The following PCDHGB4 variants were observed in gnomAD, a reference collection of about 807,000 sequenced individuals.
The protein encoded by PCDHGB4 is protocadherin gamma-B4.
PCDHGB4 carries 38 observed loss-of-function variants against 60.5 expected under a neutral mutation model. That is an observed-to-expected ratio of 0.63 (90% CI 0.48 to 0.82). PCDHGB4 has a LOEUF of 0.82. PCDHGB4 is among the 40% of genes least tolerant of loss of function. The pLI is 0.00. For missense variants in PCDHGB4, 1,109 were observed against 1,209.6 expected, an observed-to-expected ratio of 0.92 and a Z score of 1.23; for synonymous variants, 456 against 509.7, an observed-to-expected ratio of 0.89 and a Z score of 1.42.
Position 141,432,794 on chromosome 5 carries a change from G to C in PCDHGB4, c.2397+42513G>C. 3 of 1,614,138 alleles carry C rather than the reference G, an allele frequency of 1.9e-6. No homozygotes were observed. The highest frequency in any genetic ancestry group is 1.7e-5 in the Admixed American group (1 of 60,026). ...AGTCCTGGCGGACCTCGGCAGCCTC[G>C]AGTCTCCAGCTAACTCTGAAACCTC... On this transcript the variant is annotated intron_variant, in intron 1 of 3. Coordinates refer to ENST00000519479, the MANE Select transcript of PCDHGB4 (RefSeq NM_003736.4). The surrounding 1 kb of genome is among the most constrained non-coding windows in gnomAD (Gnocchi z 6.0).
At chr5:141,399,008 G>A (rs2093737383) in intron 1 of PCDHGB4, 4 of 1,613,904 alleles carry the variant, frequency 2.5e-6, no homozygotes, top group African/African-American at 1.3e-5. Flanking sequence ...AATTCAAAGA[G>A]CGGAGAAATT....
At position 141,486,047 on chromosome 5, in the gene PCDHGB4, C is replaced by G. The variant is rs763394605; in HGVS notation, c.2398-8760C>G. The G allele has an allele frequency of 3.1e-6, 5 of 1,614,172 alleles. No homozygotes were observed. The East Asian group carries it at 6.7e-5, about 22-fold the overall frequency. On this transcript the variant is annotated intron_variant, in intron 1 of 3. Transcript: ENST00000519479. This position sits in a 1 kb window ranked among gnomAD's most constrained non-coding sequence, Gnocchi z 5.0. ...TCATACCCCTGATCGTGTAAGAAAC[C>G]TCTTTAGCCTGCACCCCACTACTGG...
At chr5:141,390,373 ATT>A in intron 1 of PCDHGB4, 92 bp downstream of exon 1, 3 of 1,481,208 alleles carry the variant, frequency 2.0e-6, no homozygotes, top group Non-Finnish European at 2.8e-6. Flanking sequence ...AAAATATATA[ATT>A]TTTAGATGTC....
chr5:141,451,532 G>T (rs1168984212), intron 1 of PCDHGB4, among the ~76,000 whole-genome samples: 1 of 152,180 alleles, frequency 6.6e-6, no homozygotes, highest in African/African-American at 2.4e-5. Flanking sequence ...AAAGGAGAGT[G>T]CCAGAGAGGG....
intron 1 of PCDHGB4, chr5:141,418,660 T>C (rs1377720154): frequency 6.2e-7 from 1 of 1,614,024 alleles, no homozygotes; most frequent in Admixed American, 1.7e-5. Context: ...TGAAGGCCAC[T>C]GACCAGGACG....
At chr5:141,394,742 G>A (rs752402821) in intron 1 of PCDHGB4, 5 of 1,613,300 alleles carry the variant, frequency 3.1e-6, no homozygotes, top group African/African-American at 1.3e-5. Flanking sequence ...AGAGCCTCGT[G>A]GTGGCCGTCC....
Position 141,490,709 on chromosome 5 carries a change from C to T in PCDHGB4, c.2398-4098C>T. ...GACACTGGGGATAATGCCCGCCTCA[C>T]CTACTCCATTGTAGGAAATCAGGTT... On this transcript the variant is annotated intron_variant, in intron 1 of 3. Transcript: ENST00000519479. This position sits in a 1 kb window ranked among gnomAD's most constrained non-coding sequence, Gnocchi z 5.4. The T allele has an allele frequency of 1.9e-6, 3 of 1,614,218 alleles. No homozygotes were observed. Among genetic ancestry groups the T allele is most frequent in the Non-Finnish European group, 2.5e-6 (3 of 1,180,038 alleles).
chr5:141,410,843 C>CTTTTTAT, intron 1 of PCDHGB4: 1 of 216,280 alleles, frequency 4.6e-6, no homozygotes. Context: ...GATATTTTGT[C>CTTTTTAT]TTTGTCTTTT....
chr5:141,388,637 T>G lies in PCDHGB4; in HGVS notation c.753T>G (p.Leu251=), dbSNP rs993746447. The change falls in exon 1 of 4, where the codon CTT becomes CTG. Residue 251 remains leucine, a synonymous_variant. Transcript: ENST00000519479. ...VFSQDVYRVS[L]SENVYPGTTV... ...GTCAAGACGTATACAGGGTGAGCCTTTCAGAAAACGTGTACCCGGGGACCA... is the reference window on the plus strand; with the variant it reads ...GTCAAGACGTATACAGGGTGAGCCTGTCAGAAAACGTGTACCCGGGGACCA... The G allele has an allele frequency of 6.2e-7, 1 of 1,613,762 alleles. No homozygotes were observed. The highest frequency in any genetic ancestry group is 8.5e-7 in the Non-Finnish European group (1 of 1,179,878).
At chr5:141,452,966 G>T (rs996204633) in intron 1 of PCDHGB4, among the ~76,000 whole-genome samples, 6 of 152,098 alleles carry the variant, frequency 3.9e-5, no homozygotes, top group Admixed American at 1.3e-4. Context: ...TAAACTGAGG[G>T]TATATTGTCA....
chr5:141,490,485 G>A lies in PCDHGB4; in HGVS notation c.2398-4322G>A. 3 of 1,614,202 alleles carry A rather than the reference G, an allele frequency of 1.9e-6. No individual in the cohort carries two copies. Among genetic ancestry groups the A allele is most frequent in the Middle Eastern group, 3.3e-4 (2 of 6,062 alleles). On this transcript the variant is annotated intron_variant, in intron 1 of 3. Coordinates refer to ENST00000519479, the MANE Select transcript of PCDHGB4 (RefSeq NM_003736.4). This position sits in a 1 kb window ranked among gnomAD's most constrained non-coding sequence, Gnocchi z 5.4. ...TAACCAGCCAGCCTTTGGACCGGGA[G>A]GCCACATCCCACTATATCATCGAGC... is the stretch of plus-strand genomic sequence containing the variant.
At chr5:141,466,974 C>G (rs1314224956) in intron 1 of PCDHGB4, among the ~76,000 whole-genome samples, 1 of 151,944 alleles carries the variant, frequency 6.6e-6, no homozygotes, top group Non-Finnish European at 1.5e-5. Context: ...TCTCACAGCT[C>G]ATCATTTACC....
Position 141,421,691 on chromosome 5 carries a change from T to A in PCDHGB4, c.2397+31410T>A, listed in dbSNP as rs1175919580. ...GCAATTCCTGGGGCGCGATTTGCTC[T>A]TCCTAATGCTAGGGATCCAGATGTG... On this transcript the variant is annotated intron_variant, in intron 1 of 3. Coordinates refer to ENST00000519479, the MANE Select transcript of PCDHGB4 (RefSeq NM_003736.4). 6.2e-7 allele frequency: 1 copy of A among 1,613,816 alleles called. No individual in the cohort carries two copies. The highest frequency in any genetic ancestry group is 1.3e-5 in the African/African-American group (1 of 74,938).
chr5:141,425,348 A>C (rs2096869744), intron 1 of PCDHGB4, among the ~76,000 whole-genome samples: 1 of 152,242 alleles, frequency 6.6e-6, no homozygotes, highest in Non-Finnish European at 1.5e-5. Context: ...GTTGGCTTTG[A>C]AATGTGATAT....
At position 141,511,411 on chromosome 5, in the gene PCDHGB4, A is replaced by G; in HGVS notation, c.*238A>G. On this transcript the variant is annotated 3_prime_UTR_variant, in exon 4 of 4. Coordinates refer to ENST00000519479, the MANE Select transcript of PCDHGB4 (RefSeq NM_003736.4). ...GAACCCCCATCCAATCAACTGCTGT[A>G]CCCATGGGGGTAGTGGGGTTACTGT... The G allele has an allele frequency of 1.1e-6, 1 of 901,334 alleles. No homozygotes were observed. Among genetic ancestry groups the G allele is most frequent in the Non-Finnish European group, 1.6e-6 (1 of 617,750 alleles). The allele number at this position is 901,334 out of a possible 1,614,324, so 55.8% of individuals were successfully genotyped here. A position where few individuals can be genotyped will look rare whatever the true frequency, so the allele number is the denominator to read the frequency against.
At chr5:141,428,136 G>A in intron 1 of PCDHGB4, 2 of 1,600,778 alleles carry the variant, frequency 1.2e-6, no homozygotes, top group South Asian at 1.1e-5. Flanking sequence ...TTTCAGCCTG[G>A]GGCTGCACAC....
In PCDHGB4 at chr5:141,487,120, T is replaced by C. The variant is rs1342042604; in HGVS notation, c.2398-7687T>C. 1.9e-6 allele frequency: 3 copies of C among 1,613,948 alleles called. No homozygotes were observed. Among genetic ancestry groups the C allele is most frequent in the Admixed American group, 1.7e-5 (1 of 60,028 alleles). ...AGAAGCTGGTCATTGTGGTAAAGGA[T>C]AGTGGTAGTCCACCACTCTCTACCT... On this transcript the variant is annotated intron_variant, in intron 1 of 3. Coordinates refer to ENST00000519479, the MANE Select transcript of PCDHGB4 (RefSeq NM_003736.4). The surrounding 1 kb of genome is among the most constrained non-coding windows in gnomAD (Gnocchi z 5.0).
In PCDHGB4 at chr5:141,445,037, GT is replaced by G. The variant is rs2098454887; in HGVS notation, c.2398-49766del. 5.3e-5 allele frequency among the ~76,000 whole-genome samples: 8 copies of G among 152,072 alleles called. No homozygotes were observed. In the South Asian group the frequency reaches 1.7e-3, roughly 32 times the overall value. On this transcript the variant is annotated intron_variant, in intron 1 of 3. Transcript: ENST00000519479. ...TAATTTCTCTCAGCTATGTTGTATAGTTTTCAGTGTAGAGAGGTCATGTATA... is the reference window on the plus strand; with the variant it reads ...TAATTTCTCTCAGCTATGTTGTATAGTTTCAGTGTAGAGAGGTCATGTATA...
chr5:141,476,146 G>C lies in PCDHGB4; in HGVS notation c.2398-18661G>C. 1 of 1,611,402 alleles carries C rather than the reference G, an allele frequency of 6.2e-7. No individual in the cohort carries two copies. On this transcript the variant is annotated intron_variant, in intron 1 of 3. Transcript: ENST00000519479. This position sits in a 1 kb window ranked among gnomAD's most constrained non-coding sequence, Gnocchi z 7.6. ...TCCCAGAGGCCTGGAGGAGCGGACT[G>C]GTAAGCACCGGGAGGGTAGTGGGAG...
Sources: allele counts gnomAD v4.1 joint callset (sites outside exome capture counted in the v4.1 genomes callset), GRCh38; gene constraint gnomAD v4.1.1; non-coding constraint Gnocchi (gnomAD v3.1); transcripts MANE v1.5; gene names NCBI Gene and HGNC (gene_info 2026-07-23, HGNC 2026-07-21).